The following DNAH6 variants were observed in gnomAD, a reference collection of about 807,000 sequenced individuals.
The protein encoded by DNAH6 is axonemal beta dynein heavy chain 6.
DNAH6 carries 340 observed loss-of-function variants against 491.4 expected under a neutral mutation model. That is an observed-to-expected ratio of 0.69 (90% confidence interval 0.63 to 0.76). The LOEUF is 0.76. Among genes scored for constraint, DNAH6 ranks in the 30% least tolerant of loss-of-function variants. DNAH6 has a pLI of 0.00. For synonymous variants in DNAH6, 1,603 were observed against 1,686.1 expected, an observed-to-expected ratio of 0.95 and a Z score of 1.21; for missense variants, 4,443 against 4,972.2, an observed-to-expected ratio of 0.89 and a Z score of 3.20.
the DNAH6 span, among the ~76,000 whole-genome samples, chr2:84,508,311 G>C: frequency 2.0e-5 from 3 of 152,066 alleles, no homozygotes; most frequent in African/African-American, 4.8e-5. Context: ...TGTATGTGTC[G>C]AGGAATTTAT....
chr2:84,547,128 A>G (rs1160764396), intron 5 of DNAH6, 140 bp from the exon 6 acceptor site: 19 of 644,426 alleles, frequency 2.9e-5, no homozygotes, highest in African/African-American at 9.3e-5. Flanking sequence ...ATCTTTTAAC[A>G]TATGCATTTT....
At chr2:84,806,642 AG>A (rs1169775246) in intron 71 of DNAH6, among the ~76,000 whole-genome samples, 2 of 136,662 alleles carry the variant, frequency 1.5e-5, no homozygotes, top group Non-Finnish European at 3.4e-5. Context: ...AAAAAAAAAA[AG>A]GTCTTCCTGA....
the DNAH6 span, among the ~76,000 whole-genome samples, chr2:84,509,068 TAG>T: frequency 3.9e-5 from 6 of 152,218 alleles, no homozygotes; most frequent in East Asian, 7.7e-4. Flanking sequence ...GAGAGTTCTG[TAG>T]ATGTCTATTA....
In DNAH6 at chr2:84,669,493, A is replaced by G. The variant is rs761760880; in HGVS notation, c.6289A>G (p.Ile2097Val). 1 of 1,551,794 alleles carries G rather than the reference A, an allele frequency of 6.4e-7. No individual in the cohort carries two copies. Among genetic ancestry groups the G allele is most frequent in the African/African-American group, 1.4e-5 (1 of 73,186 alleles). ...CAAGCATTCCGTGTTGTTTACTGGA[A>G]TAACTGGAGTGGGCAAGGTAGGAAA... ...AVKHSVLFTG[I>V]TGVGKSVIAK... The change falls in exon 38 of 77, where the codon ATA becomes GTA. Residue 2097 changes from isoleucine (I) to valine (V), a missense_variant. Physicochemically the swap from Ile to Val is conservative, Grantham distance 29 (BLOSUM62 3). Transcript: ENST00000389394.
chr2:84,658,409 G>C lies in DNAH6; in HGVS notation c.5875G>C (p.Val1959Leu). ...QAIPQVDISK[V>L]TTLCCLLESL... ...AATTCCACAAGTGGACATCAGCAAA[G>C]TTACTACACTCTGTTGCTTATTGGA... is the stretch of plus-strand genomic sequence containing the variant. Residue 1959 changes from valine to leucine, a missense_variant, in exon 36 of 77, where the codon GTT (valine) becomes CTT (leucine). Physicochemically the swap from Val to Leu is conservative, Grantham distance 32. Around this residue, in one of 3 missense-constraint regions of DNAH6, gnomAD observed 2,977 missense variants for 3,296.6 expected, o/e 0.90. Transcript: ENST00000389394. The C allele has an allele frequency of 6.5e-7, 1 of 1,548,544 alleles. No individual in the cohort carries two copies.
At chr2:84,814,713 AC>A (rs757164539) in intron 75 of DNAH6, among the ~76,000 whole-genome samples, 13 of 152,130 alleles carry the variant, frequency 8.5e-5, no homozygotes, top group Non-Finnish European at 1.9e-4. Flanking sequence ...TACAGTGACC[AC>A]CAGGGCTCTG....
At position 84,552,003 on chromosome 2, in the gene DNAH6, G is replaced by A. The variant is rs554652657; in HGVS notation, c.1486-915G>A. Among the ~76,000 whole-genome samples, 12 of 147,510 alleles carry A rather than the reference G, an allele frequency of 8.1e-5. No homozygotes were observed. The South Asian group carries it at 2.6e-3, about 31-fold the overall frequency. On this transcript the variant is annotated intron_variant, in intron 9 of 76. Transcript: ENST00000389394. ...ATGGAGGTTGCAGTGAGCTGAGATC[G>A]CGCCATTGCACTCCAGCCTAGGCAA...
chr2:84,465,396 G>C, the DNAH6 span, among the ~76,000 whole-genome samples: 1 of 152,092 alleles, frequency 6.6e-6, no homozygotes, highest in Non-Finnish European at 1.5e-5. Context: ...TTGGGAGACT[G>C]AGGCAGGAGA....
At chr2:84,683,187 A>C (rs920614906) in intron 42 of DNAH6, among the ~76,000 whole-genome samples, 5 of 152,006 alleles carry the variant, frequency 3.3e-5, no homozygotes, top group African/African-American at 1.2e-4. Context: ...ATGTGTGTTC[A>C]TGTATCTGTC....
chr2:84,762,005 G>A (rs1674633773), intron 63 of DNAH6, among the ~76,000 whole-genome samples: 1 of 152,160 alleles, frequency 6.6e-6, no homozygotes, highest in African/African-American at 2.4e-5. Flanking sequence ...CCCTTGAAGA[G>A]GAGACACCTT....
intron 56 of DNAH6, among the ~76,000 whole-genome samples, chr2:84,710,629 A>G (rs1696947099): frequency 6.6e-6 from 1 of 152,212 alleles, no homozygotes; most frequent in Non-Finnish European, 1.5e-5. Context: ...TTTAGTGTTA[A>G]GAGGGCTGGC....
intron 63 of DNAH6, among the ~76,000 whole-genome samples, chr2:84,762,114 C>A (rs1674647975): frequency 6.6e-6 from 1 of 152,006 alleles, no homozygotes; most frequent in Non-Finnish European, 1.5e-5. Context: ...AGTGAAAGAA[C>A]CAAATTGATG....
At chr2:84,808,650 C>A in intron 72 of DNAH6, 108 bp downstream of exon 72, 1 of 1,122,738 alleles carries the variant, frequency 8.9e-7, no homozygotes, top group Non-Finnish European at 1.3e-6. Context: ...CATTTGGATA[C>A]ACTAACAACT....
At chr2:84,627,550 T>C (rs1401662719) in intron 29 of DNAH6, among the ~76,000 whole-genome samples, 2 of 152,182 alleles carry the variant, frequency 1.3e-5, no homozygotes, top group Non-Finnish European at 2.9e-5. Context: ...TTTAATAATA[T>C]TTTGCTTCCT....
intron 71 of DNAH6, among the ~76,000 whole-genome samples, chr2:84,807,869 C>G (rs1559064737): frequency 6.6e-6 from 1 of 152,206 alleles, no homozygotes; most frequent in Non-Finnish European, 1.5e-5. Context: ...TCTTCCCTCT[C>G]AACCCCTCAC....
At chr2:84,647,069 A>G (rs1689971930) in intron 33 of DNAH6, among the ~76,000 whole-genome samples, 1 of 150,186 alleles carries the variant, frequency 6.7e-6, no homozygotes, top group African/African-American at 2.5e-5. Context: ...CTGATCTTGA[A>G]CTCCTGGCCT....
intron 45 of DNAH6, among the ~76,000 whole-genome samples, chr2:84,692,811 A>G (rs1695001645): frequency 6.6e-6 from 1 of 152,244 alleles, no homozygotes; most frequent in Non-Finnish European, 1.5e-5. Context: ...TCTCTGAGCC[A>G]TAACATGGTA....
rs112583122 is a variant in DNAH6 at position 84,729,169 on chromosome 2, A to G, written c.10206+1267A>G. Reference sequence around the variant, plus strand: ...TGTTTTATCCTCGTAATCACAGTTCATATTTACAGAGAGCTTGCTATGTGT... The same window carrying G: ...TGTTTTATCCTCGTAATCACAGTTCGTATTTACAGAGAGCTTGCTATGTGT... On this transcript the variant is annotated intron_variant, in intron 61 of 76. Coordinates refer to ENST00000389394, the MANE Select transcript of DNAH6 (RefSeq NM_001370.2). Among the ~76,000 whole-genome samples the G allele has an allele frequency of 8.3e-3, 1,269 of 152,302 alleles. 16 individuals are homozygous for G. Among genetic ancestry groups the G allele is most frequent in the African/African-American group, 0.029 (1,187 of 41,556 alleles).
At position 84,681,444 on chromosome 2, in the gene DNAH6, A is replaced by G; in HGVS notation, c.6832A>G (p.Asn2278Asp). Residue 2278 changes from asparagine (N) to aspartate (D), a missense_variant, in exon 42 of 77, where the codon AAC (asparagine) becomes GAC (aspartate). This residue lies in a region of DNAH6 where 2,977 missense variants were observed against 3,296.6 expected (regional missense o/e 0.90). Coordinates refer to ENST00000389394, the MANE Select transcript of DNAH6 (RefSeq NM_001370.2). ...SIVEASVEIY[N>D]KMSVDLLPTP... ...TGTAGAAGCCTCAGTTGAGATTTAT[A>G]ACAAAATGAGTGTTGACCTCCTGCC... The G allele has an allele frequency of 6.4e-7, 1 of 1,551,536 alleles. No homozygotes were observed. Among genetic ancestry groups the G allele is most frequent in the Admixed American group, 2.0e-5 (1 of 50,974 alleles).
Sources: gnomAD v4.1 joint callset for allele counts (sites outside exome capture counted in the v4.1 genomes callset) on GRCh38, gnomAD v4.1.1 for gene constraint, gnomAD v4.1.1 regional missense constraint, MANE v1.5 for transcripts, NCBI Gene and HGNC (gene_info 2026-07-23, HGNC 2026-07-21) for gene names.